Variants in AGBL4 observed in about 807,000 individuals in gnomAD.
AGBL4 encodes the protein AGBL carboxypeptidase 4.
A neutral mutation model predicts 66.4 loss-of-function variants in AGBL4; 58 were observed. The observed-to-expected ratio is 0.87, with a 90% CI of 0.71 to 1.09. The LOEUF (loss-of-function observed/expected upper bound fraction) is 1.09, where lower values mean the gene tolerates loss of function less well. AGBL4 is among the 50% of genes least tolerant of loss of function. The pLI is 0.00. For missense variants in AGBL4, 579 were observed against 631.0 expected (o/e 0.92, Z 0.88); for synonymous variants, 234 against 222.9 (o/e 1.05, Z -0.44).
chr1:49,133,419 A>G (rs1217360217), intron 4 of AGBL4, among the ~76,000 whole-genome samples: 1 of 152,214 alleles, frequency 6.6e-6, no homozygotes, highest in Non-Finnish European at 1.5e-5. Flanking sequence ...CTTAAGAAAA[A>G]TAAACACAGT....
At chr1:48,617,399 T>C (rs10888608) in intron 9 of AGBL4, among the ~76,000 whole-genome samples, 97,613 of 152,050 alleles carry the variant, frequency 0.64, 33,501 homozygotes, top group Non-Finnish European at 0.78. Flanking sequence ...AGTCTGCCCT[T>C]TTCCTGCCCA....
chr1:49,549,163 G>C (rs540050565), intron 3 of AGBL4, among the ~76,000 whole-genome samples: 1 of 151,676 alleles, frequency 6.6e-6, no homozygotes, highest in African/African-American at 2.4e-5. Flanking sequence ...TCTTAATGAG[G>C]TTATTTGGAT....
At chr1:48,826,285 G>A in intron 6 of AGBL4, among the ~76,000 whole-genome samples, 1 of 152,260 alleles carries the variant, frequency 6.6e-6, no homozygotes, top group Middle Eastern at 3.4e-3. Context: ...TATACCAATT[G>A]ATAATTGGTA....
intron 12 of AGBL4, among the ~76,000 whole-genome samples, chr1:48,538,130 G>A (rs916823879): frequency 1.4e-4 from 22 of 152,080 alleles, no homozygotes; most frequent in Admixed American, 1.4e-3. Flanking sequence ...TCTGGGACAG[G>A]GTATCAGAAT....
intron 3 of AGBL4, among the ~76,000 whole-genome samples, chr1:49,495,439 T>C (rs551569089): frequency 1.4e-4 from 22 of 152,070 alleles, no homozygotes; most frequent in Admixed American, 1.0e-3. Flanking sequence ...CCTTCCAACA[T>C]GGCCCAGGGA....
intron 5 of AGBL4, among the ~76,000 whole-genome samples, chr1:48,926,531 C>A (rs577237588): frequency 6.6e-6 from 1 of 151,726 alleles, no homozygotes; most frequent in African/African-American, 2.4e-5. Flanking sequence ...TCAATTGATC[C>A]GCCCACCTCG....
At chr1:49,547,775 CTTT>C (rs376829267) in intron 3 of AGBL4, among the ~76,000 whole-genome samples, 2 of 142,574 alleles carry the variant, frequency 1.4e-5, no homozygotes, top group Non-Finnish European at 1.5e-5. Flanking sequence ...GGGGTTGAGT[CTTT>C]TTTTTTTTTT....
intron 4 of AGBL4, among the ~76,000 whole-genome samples, chr1:49,108,129 T>A (rs1458345377): frequency 6.6e-6 from 1 of 152,242 alleles, no homozygotes; most frequent in Admixed American, 6.5e-5. Flanking sequence ...CTCTGCACTG[T>A]AAGAACGTTG....
rs1370962028 is a variant in AGBL4 at position 48,682,174 on chromosome 1, C to T, written c.635-18933G>A. Among the ~76,000 whole-genome samples, 7 of 152,144 alleles carry T rather than the reference C, an allele frequency of 4.6e-5. No individual in the cohort carries two copies. The East Asian group carries it at 7.7e-4, about 17-fold the overall frequency. ...CCCAGAAGAAACAGCCCTGCCAATACCTTCATCTCAGATTTCTGGTCTTCA... is the reference window on the plus strand; with the variant it reads ...CCCAGAAGAAACAGCCCTGCCAATATCTTCATCTCAGATTTCTGGTCTTCA... On this transcript the variant is annotated intron_variant, in intron 6 of 13. Coordinates refer to ENST00000371839, the MANE Select transcript of AGBL4 (RefSeq NM_032785.4).
At chr1:48,799,815 T>A (rs557725260) in intron 6 of AGBL4, among the ~76,000 whole-genome samples, 2 of 152,374 alleles carry the variant, frequency 1.3e-5, no homozygotes, top group East Asian at 1.9e-4. Context: ...GACTTGCATA[T>A]GTTAAACTAT....
chr1:49,398,728 G>A (rs561917018), intron 3 of AGBL4, among the ~76,000 whole-genome samples: 6 of 151,798 alleles, frequency 4.0e-5, no homozygotes, highest in East Asian at 1.9e-4. Flanking sequence ...GTGTACATAG[G>A]TGCATATATT....
intron 6 of AGBL4, among the ~76,000 whole-genome samples, chr1:48,775,703 A>C (rs980065378): frequency 6.6e-6 from 1 of 152,206 alleles, no homozygotes; most frequent in African/African-American, 2.4e-5. Flanking sequence ...TGGCAGGAAG[A>C]ACTGGAGCAT....
chr1:49,095,924 T>G (rs908515926), intron 4 of AGBL4, among the ~76,000 whole-genome samples: 1 of 151,850 alleles, frequency 6.6e-6, no homozygotes, highest in Non-Finnish European at 1.5e-5. Context: ...GGGAGAAAAT[T>G]TTTGCAATCT....
intron 4 of AGBL4, among the ~76,000 whole-genome samples, chr1:49,123,214 T>C (rs978472602): frequency 5.3e-5 from 8 of 152,188 alleles, no homozygotes; most frequent in Non-Finnish European, 1.0e-4. Context: ...TATTTGATCT[T>C]TACAATATCC....
chr1:49,578,558 G>C (rs1160913369), intron 3 of AGBL4, among the ~76,000 whole-genome samples: 1 of 152,192 alleles, frequency 6.6e-6, no homozygotes, highest in African/African-American at 2.4e-5. Flanking sequence ...TTAAAAACAT[G>C]TTTGTGCACG....
At chr1:49,204,480 A>G (rs1366891092) in intron 4 of AGBL4, among the ~76,000 whole-genome samples, 9 of 151,922 alleles carry the variant, frequency 5.9e-5, no homozygotes. Context: ...AAGTCTCTCT[A>G]TGTTGCTCAG....
intron 4 of AGBL4, among the ~76,000 whole-genome samples, chr1:49,095,549 T>C (rs556429985): frequency 2.0e-4 from 31 of 152,280 alleles, no homozygotes; most frequent in Admixed American, 3.3e-4. Context: ...TCTACAACTA[T>C]CGGATCTTTG....
At chr1:49,021,641 A>G (rs767439947) in intron 5 of AGBL4, among the ~76,000 whole-genome samples, 1 of 152,198 alleles carries the variant, frequency 6.6e-6, no homozygotes, top group Non-Finnish European at 1.5e-5. Context: ...TGAGTAAAAA[A>G]TTCCGGTTTT....
At chr1:49,607,983 T>G (rs1645090233) in intron 3 of AGBL4, among the ~76,000 whole-genome samples, 1 of 152,112 alleles carries the variant, frequency 6.6e-6, no homozygotes, top group South Asian at 2.1e-4. Flanking sequence ...CTTCAAATAT[T>G]TGGGGTAGAT....
Sources: gnomAD v4.1 joint callset for allele counts (sites outside exome capture counted in the v4.1 genomes callset) on GRCh38, gnomAD v4.1.1 for gene constraint, MANE v1.5 for transcripts, NCBI Gene and HGNC (gene_info 2026-07-23, HGNC 2026-07-21) for gene names.